Variants in ABCA1 observed in about 807,000 individuals in gnomAD.
ABCA1 encodes ATP binding cassette subfamily A member 1.
ABCA1 carries 133 observed loss-of-function variants against 262.5 expected under a neutral mutation model. The observed-to-expected ratio is 0.51, with a 90% CI of 0.44 to 0.59. The LOEUF (loss-of-function observed/expected upper bound fraction) is 0.59. ABCA1 is among the 20% of genes least tolerant of loss of function. The probability of loss-of-function intolerance (pLI) is 0.00; values close to 1 mark genes in which losing one functional copy is unlikely to be tolerated. For synonymous variants in ABCA1, 1,022 were observed against 1,043.5 expected, an observed-to-expected ratio of 0.98 and a Z score of 0.40; for missense variants, 2,452 against 2,777.5, an observed-to-expected ratio of 0.88 and a Z score of 2.63.
chr9:104,822,032 G>C, intron 19 of ABCA1, among the ~76,000 whole-genome samples: 1 of 152,160 alleles, frequency 6.6e-6, no homozygotes, highest in South Asian at 2.1e-4. Flanking sequence ...AGCCACTGAG[G>C]CTAACGCTGG....
chr9:104,921,255 A>C (rs752733259), intron 1 of ABCA1, among the ~76,000 whole-genome samples: 76 of 152,338 alleles, frequency 5.0e-4, no homozygotes, highest in Middle Eastern at 3.4e-3. Flanking sequence ...TTGACTTCCA[A>C]ATGCTTCTTG....
chr9:104,814,412 C>T lies in ABCA1; in HGVS notation c.3787+15G>A. On this transcript the variant is annotated intron_variant, in intron 26 of 49. Transcript: ENST00000374736. ...GCACTATCTTAAGTGTGCCATTCTC[C>T]CTCAAGGCAGTTACCTGAGGTCTCA... The T allele has an allele frequency of 6.2e-7, 1 of 1,613,946 alleles. No individual in the cohort carries two copies. Among genetic ancestry groups the T allele is most frequent in the Non-Finnish European group, 8.5e-7 (1 of 1,179,842 alleles).
intron 19 of ABCA1, among the ~76,000 whole-genome samples, 184 bp from the exon 20 acceptor site, chr9:104,821,690 G>T (rs1252528410): frequency 6.6e-6 from 1 of 152,100 alleles, no homozygotes; most frequent in Non-Finnish European, 1.5e-5. Context: ...AACTACAAGT[G>T]GGCCTATGGG....
Position 104,782,050 on chromosome 9 carries a change from T to C in ABCA1, c.*2265A>G, listed in dbSNP as rs1828577055. The C allele has an allele frequency of 6.6e-6, 1 of 152,156 alleles. No individual in the cohort carries two copies. The highest frequency in any genetic ancestry group is 1.5e-5 in the Non-Finnish European group (1 of 67,980). 9.4% of individuals were successfully genotyped at this position (152,156 alleles called of 1,614,324 possible). ...CACAGTGCCTTTTGATTTTTTAAAA[T>C]ATGGCCTTGAAATCAGAGGAACCGA... is the stretch of plus-strand genomic sequence containing the variant. On this transcript the variant is annotated 3_prime_UTR_variant, in exon 50 of 50. Transcript: ENST00000374736.
At chr9:104,832,500 C>A in intron 12 of ABCA1, 74 bp downstream of exon 12, 1 of 1,528,244 alleles carries the variant, frequency 6.5e-7, no homozygotes. Flanking sequence ...TTGCCTCCTG[C>A]CTGAACCTTA....
chr9:104,849,930 T>C (rs1251400594), intron 7 of ABCA1, among the ~76,000 whole-genome samples: 1 of 152,218 alleles, frequency 6.6e-6, no homozygotes, highest in Non-Finnish European at 1.5e-5. Context: ...GTACCAAATA[T>C]TGTTATACAT....
chr9:104,791,807 G>A (rs1842354252), intron 43 of ABCA1, 129 bp downstream of exon 43: 1 of 826,270 alleles, frequency 1.2e-6, no homozygotes. Context: ...ATGACTAATT[G>A]CTCCATCCTG....
In ABCA1 at chr9:104,845,612, AC is replaced by A. The variant is rs1319469001; in HGVS notation, c.721-44del. ...ACTTTGTTTCTGAATTCAAATGTAA[AC>A]CTGAAATCTCTATTGGAAATAAACA... is the stretch of plus-strand genomic sequence containing the variant. On this transcript the variant is annotated intron_variant, in intron 7 of 49. Coordinates refer to ENST00000374736, the MANE Select transcript of ABCA1 (RefSeq NM_005502.4). The A allele has an allele frequency of 3.8e-6, 5 of 1,318,870 alleles. No individual in the cohort carries two copies. The African/African-American group carries it at 7.2e-5, about 19-fold the overall frequency. 81.7% of individuals were successfully genotyped at this position (1,318,870 alleles called of 1,614,324 possible). A position where few individuals can be genotyped will look rare whatever the true frequency, so the allele number is the denominator to read the frequency against.
At chr9:104,791,222 T>C (rs149724078) in intron 43 of ABCA1, among the ~76,000 whole-genome samples, 194 bp from the exon 44 acceptor site, 12 of 152,328 alleles carry the variant, frequency 7.9e-5, no homozygotes, top group African/African-American at 2.9e-4. Context: ...GCTGTATTTA[T>C]AAATATTATT....
At chr9:104,904,366 G>C (rs978521656) in intron 1 of ABCA1, among the ~76,000 whole-genome samples, 1 of 151,748 alleles carries the variant, frequency 6.6e-6, no homozygotes, top group African/African-American at 2.4e-5. Flanking sequence ...TCAAGAAATC[G>C]AGACCATCCT....
At chr9:104,806,123 C>A in intron 31 of ABCA1, 118 bp downstream of exon 31, 1 of 1,160,838 alleles carries the variant, frequency 8.6e-7, no homozygotes, top group South Asian at 1.5e-5. Flanking sequence ...AAACAAAAAA[C>A]AAAAAAGACT....
chr9:104,855,800 C>T (rs776394590), intron 7 of ABCA1: 2 of 1,584,546 alleles, frequency 1.3e-6, no homozygotes, highest in South Asian at 2.3e-5. Flanking sequence ...GCCATACTTT[C>T]CCCATGTTGC....
chr9:104,830,830 A>G, intron 14 of ABCA1, 95 bp downstream of exon 14: 1 of 1,410,428 alleles, frequency 7.1e-7, no homozygotes, highest in South Asian at 1.2e-5. Flanking sequence ...TTATTTCCAG[A>G]TCATTCACAC....
In ABCA1 at chr9:104,810,802, G is replaced by A. The variant is rs765143437; in HGVS notation, c.4173C>T (p.Val1391=). 6.2e-7 allele frequency: 1 copy of A among 1,614,204 alleles called. No individual in the cohort carries two copies. Among genetic ancestry groups the A allele is most frequent in the South Asian group, 1.1e-5 (1 of 91,074 alleles). Reference sequence around the variant, plus strand: ...TGGGATGTAGAAGACAAACATACCTGACAAATGTGTACTGTTCGTTGTACA... The same window carrying A: ...TGGGATGTAGAAGACAAACATACCTAACAAATGTGTACTGTTCGTTGTACA... ...PWMYNEQYTF[V]SNDAPEDTGT... is the part of the protein sequence containing the mutation. Residue 1391 remains valine (V), a splice_region_variant and synonymous_variant, in exon 29 of 50, where the codon GTC becomes GTT. Transcript: ENST00000374736.
chr9:104,861,900 A>G (rs577704572), intron 5 of ABCA1, 100 bp from the exon 6 acceptor site: 10 of 1,101,454 alleles, frequency 9.1e-6, no homozygotes, highest in Non-Finnish European at 1.1e-5. Context: ...CATAATATTG[A>G]TGATCAACAG....
intron 1 of ABCA1, among the ~76,000 whole-genome samples, chr9:104,909,607 TACAC>T (rs59524252): frequency 0.096 from 12,809 of 133,880 alleles, 569 homozygotes; most frequent in South Asian, 0.16. Context: ...GCAAAAGAAA[TACAC>T]ACACACACAC....
At position 104,841,288 on chromosome 9, in the gene ABCA1, A is replaced by G. The variant is rs115106108; in HGVS notation, c.814-769T>C. 8.3e-3 allele frequency among the ~76,000 whole-genome samples: 1,254 copies of G among 151,936 alleles called. 15 individuals carry two copies. Among genetic ancestry groups the G allele is most frequent in the African/African-American group, 0.029 (1,207 of 41,474 alleles). On this transcript the variant is annotated intron_variant, in intron 8 of 49. Coordinates refer to ENST00000374736, the MANE Select transcript of ABCA1 (RefSeq NM_005502.4). ...CCATCTCTACTAAAAAAATACAAAA[A>G]TGTTGGCCAGGCATGGTGGCAGGTG...
At chr9:104,911,074 A>G (rs1841467558) in intron 1 of ABCA1, among the ~76,000 whole-genome samples, 1 of 152,214 alleles carries the variant, frequency 6.6e-6, no homozygotes, top group African/African-American at 2.4e-5. Context: ...TAGACAAATA[A>G]AAATGTTATA....
At chr9:104,796,279 G>A in intron 38 of ABCA1, 30 bp downstream of exon 38, 5 of 1,613,896 alleles carry the variant, frequency 3.1e-6, no homozygotes, top group Non-Finnish European at 4.2e-6. Context: ...CTTATCCACT[G>A]TGCAGCTCCC....
Sources: gnomAD v4.1 joint callset for allele counts (sites outside exome capture counted in the v4.1 genomes callset) on GRCh38, gnomAD v4.1.1 for gene constraint, MANE v1.5 for transcripts, NCBI Gene and HGNC (gene_info 2026-07-23, HGNC 2026-07-21) for gene names.